CNDP1: variants seen among roughly 807,000 people sequenced by gnomAD.
CNDP1 encodes beta-Ala-His dipeptidase.
In CNDP1, 44 loss-of-function variants were observed where a neutral mutation model predicts 58.1. The ratio of observed to expected loss-of-function variants is 0.76; its 90% CI spans 0.60 to 0.97. The LOEUF (loss-of-function observed/expected upper bound fraction) is 0.97. Ranked by LOEUF, CNDP1 falls within the 50% of genes least tolerant of loss-of-function variation. The pLI is 0.00. For missense variants in CNDP1, 616 were observed against 655.1 expected (o/e 0.94, Z 0.65); for synonymous variants, 254 against 252.6 (o/e 1.01, Z -0.05).
intron 3 of CNDP1, among the ~76,000 whole-genome samples, 187 bp downstream of exon 3, chr18:74,559,659 C>T (rs1166652810): frequency 6.6e-6 from 1 of 152,152 alleles, no homozygotes; most frequent in Admixed American, 6.5e-5. Context: ...CCAGTCTTGT[C>T]AGGACTCTGG....
In CNDP1 at chr18:74,583,836, A is replaced by G. The variant is rs1981849055; in HGVS notation, c.1457+128A>G. 3 of 916,316 alleles carry G rather than the reference A, an allele frequency of 3.3e-6. No homozygotes were observed. The South Asian group carries it at 4.8e-5, about 15-fold the overall frequency. The allele number at this position is 916,316 out of a possible 1,614,324, so 56.8% of individuals were successfully genotyped here. ...AATCGTCCAGACTGGGAGCTTAAAG[A>G]ACAGACATTCATTCCTCACAGTTCT... On this transcript the variant is annotated intron_variant, in intron 11 of 11. Coordinates refer to ENST00000358821, the MANE Select transcript of CNDP1 (RefSeq NM_032649.6).
chr18:74,570,333 C>T (rs534825300), intron 6 of CNDP1, among the ~76,000 whole-genome samples: 8 of 152,112 alleles, frequency 5.3e-5, no homozygotes, highest in South Asian at 4.2e-4. Flanking sequence ...TGGCTTGGCC[C>T]GGGTGGTCCA....
chr18:74,534,768 GCCCAGTTGGGC>G, intron 1 of CNDP1, 77 bp downstream of exon 1: 1 of 1,565,972 alleles, frequency 6.4e-7, no homozygotes, highest in Non-Finnish European at 8.8e-7. Flanking sequence ...TGTGCGTTAA[GCCCAGTTGGGC>G]AGGGCAGGCA....
At chr18:74,539,502 C>T (rs773272312) in intron 1 of CNDP1, among the ~76,000 whole-genome samples, 2 of 152,206 alleles carry the variant, frequency 1.3e-5, no homozygotes, top group Non-Finnish European at 2.9e-5. Context: ...CATTCGGATC[C>T]TTCCTTGGCC....
intron 5 of CNDP1, among the ~76,000 whole-genome samples, chr18:74,564,502 G>C (rs1448595427): frequency 6.6e-6 from 1 of 152,148 alleles, no homozygotes; most frequent in African/African-American, 2.4e-5. Flanking sequence ...ACAGCTACTT[G>C]AAGTAAAAAT....
At chr18:74,542,848 C>T (rs1269293582) in intron 1 of CNDP1, among the ~76,000 whole-genome samples, 1 of 152,178 alleles carries the variant, frequency 6.6e-6, no homozygotes, top group Non-Finnish European at 1.5e-5. Context: ...GAACTGTAAG[C>T]CACCAGTTTA....
intron 1 of CNDP1, among the ~76,000 whole-genome samples, chr18:74,540,392 T>C (rs1980589007): frequency 6.6e-6 from 1 of 152,128 alleles, no homozygotes; most frequent in Non-Finnish European, 1.5e-5. Flanking sequence ...ACTCCTGACC[T>C]CAGGTGATCC....
chr18:74,578,154 T>G lies in CNDP1; in HGVS notation c.1003-9T>G, dbSNP rs763510436. ...TAAGCATCCTTTGGATAATTTTATT[T>G]TAATATAGGAGGAGATTCTAATGCA... On this transcript the variant is annotated splice_polypyrimidine_tract_variant and intron_variant, in intron 8 of 11. Transcript: ENST00000358821. 4 of 1,597,872 alleles carry G rather than the reference T, an allele frequency of 2.5e-6. No individual in the cohort carries two copies. The South Asian group carries it at 4.5e-5, about 18-fold the overall frequency.
chr18:74,561,831 CTG>C (rs1981207009), intron 4 of CNDP1, among the ~76,000 whole-genome samples: 1 of 152,142 alleles, frequency 6.6e-6, no homozygotes, highest in South Asian at 2.1e-4. Flanking sequence ...TAGCTGATGA[CTG>C]TACTATTTGT....
Position 74,585,372 on chromosome 18 carries a change from A to G in CNDP1, c.*810A>G, listed in dbSNP as rs1183080150. The G allele has an allele frequency of 6.6e-6, 1 of 152,216 alleles. No individual in the cohort carries two copies. The highest frequency in any genetic ancestry group is 1.9e-4 in the East Asian group (1 of 5,188). 9.4% of individuals were successfully genotyped at this position (152,216 alleles called of 1,614,324 possible). ...ATCCTGATAGAATTTCTCTCACCCC[A>G]TTGAAGTTTTACTCAATGACAACAT... On this transcript the variant is annotated 3_prime_UTR_variant, in exon 12 of 12. Coordinates refer to ENST00000358821, the MANE Select transcript of CNDP1 (RefSeq NM_032649.6).
chr18:74,565,075 G>A (rs373498873), intron 5 of CNDP1, among the ~76,000 whole-genome samples: 4 of 152,314 alleles, frequency 2.6e-5, no homozygotes, highest in South Asian at 4.1e-4. Flanking sequence ...AGCAGCAAGA[G>A]TAAATGAGGA....
chr18:74,544,444 C>T (rs915447986), intron 1 of CNDP1, among the ~76,000 whole-genome samples: 7 of 152,056 alleles, frequency 4.6e-5, no homozygotes, highest in South Asian at 2.1e-4. Flanking sequence ...AGGCCGGGCA[C>T]GGTGACTCAT....
At chr18:74,559,741 G>A (rs1288631005) in intron 3 of CNDP1, among the ~76,000 whole-genome samples, 1 of 152,240 alleles carries the variant, frequency 6.6e-6, no homozygotes, top group South Asian at 2.1e-4. Context: ...GGACCCCCTT[G>A]TACTTTTCAT....
At chr18:74,578,138 T>A (rs1314115097) in intron 8 of CNDP1, 25 bp from the exon 9 acceptor site, 1 of 1,592,146 alleles carries the variant, frequency 6.3e-7, no homozygotes, top group Middle Eastern at 1.9e-4. Flanking sequence ...TTAAGCATCC[T>A]TTGGATAATT....
At chr18:74,541,290 G>A (rs867717503) in intron 1 of CNDP1, among the ~76,000 whole-genome samples, 8 of 152,332 alleles carry the variant, frequency 5.3e-5, no homozygotes, top group African/African-American at 1.2e-4. Flanking sequence ...CACAGTGATC[G>A]GATCCTCCCC....
chr18:74,573,307 CATCT>C (rs892061432), intron 7 of CNDP1, among the ~76,000 whole-genome samples: 14 of 151,570 alleles, frequency 9.2e-5, no homozygotes, highest in East Asian at 5.8e-4. Flanking sequence ...TCCATTCATC[CATCT>C]ATTATCTATC....
Position 74,578,321 on chromosome 18 carries a change from A to T in CNDP1, c.1161A>T (p.Glu387Asp). 1.2e-6 allele frequency: 2 copies of T among 1,602,492 alleles called. No homozygotes were observed. The highest frequency in any genetic ancestry group is 1.7e-6 in the Non-Finnish European group (2 of 1,175,300). The change falls in exon 9 of 12, where the codon GAA becomes GAT. Residue 387 changes from glutamate (E) to aspartate (D), a missense_variant. Glu to Asp is a conservative substitution (Grantham distance 45). Coordinates refer to ENST00000358821, the MANE Select transcript of CNDP1 (RefSeq NM_032649.6). ...LVPHMNVSAVEKQVTRHLEDV... is the reference protein window; with the variant it reads ...LVPHMNVSAVDKQVTRHLEDV... ...CTCACATGAATGTGTCTGCGGTGGAAAAACAGGTAACAAATGCTTATTGTG... is the reference window on the plus strand; with the variant it reads ...CTCACATGAATGTGTCTGCGGTGGATAAACAGGTAACAAATGCTTATTGTG...
chr18:74,547,364 C>T (rs754671930), intron 1 of CNDP1, among the ~76,000 whole-genome samples: 6 of 152,192 alleles, frequency 3.9e-5, no homozygotes, highest in Admixed American at 1.3e-4. Flanking sequence ...GCTGATTGGC[C>T]ATTGTATGGA....
intron 6 of CNDP1, among the ~76,000 whole-genome samples, chr18:74,570,410 A>G (rs1305831185): frequency 2.6e-5 from 4 of 152,140 alleles, no homozygotes; most frequent in African/African-American, 9.7e-5. Flanking sequence ...GGCGCTTAGC[A>G]CAAGTGACAG....
Sources: gnomAD v4.1 joint callset for allele counts (sites outside exome capture counted in the v4.1 genomes callset) on GRCh38, gnomAD v4.1.1 for gene constraint, MANE v1.5 for transcripts, NCBI Gene and HGNC (gene_info 2026-07-23, HGNC 2026-07-21) for gene names.